CPVL: variants seen among roughly 807,000 people sequenced by gnomAD.
CPVL encodes carboxypeptidase vitellogenic like.
CPVL carries 51 observed loss-of-function variants against 63.7 expected under a neutral mutation model. The observed-to-expected ratio is 0.80, with a 90% confidence interval of 0.64 to 1.01. The LOEUF (loss-of-function observed/expected upper bound fraction) is 1.01, where lower values mean the gene tolerates loss of function less well. CPVL is among the 50% of genes least tolerant of loss of function. The pLI is 0.00. For missense variants in CPVL, 530 were observed against 573.1 expected, an observed-to-expected ratio of 0.92 and a Z score of 0.77; for synonymous variants, 195 against 206.0, an observed-to-expected ratio of 0.95 and a Z score of 0.46.
At chr7:28,998,642 T>G (rs1784320319) in intron 12 of CPVL, among the ~76,000 whole-genome samples, 1 of 152,184 alleles carries the variant, frequency 6.6e-6, no homozygotes, top group African/African-American at 2.4e-5. Context: ...TTCGTTATTC[T>G]TCCAACACTT....
chr7:29,181,971 A>G (rs1283755620), intron 4 of CPVL, among the ~76,000 whole-genome samples: 2 of 152,212 alleles, frequency 1.3e-5, no homozygotes, highest in African/African-American at 4.8e-5. Flanking sequence ...GTAAGCATGG[A>G]TTACTTTATA....
intron 11 of CPVL, among the ~76,000 whole-genome samples, chr7:29,050,199 G>C (rs1326897013): frequency 6.6e-6 from 1 of 152,086 alleles, no homozygotes; most frequent in East Asian, 1.9e-4. Flanking sequence ...AATCAGTAAA[G>C]AGGAAGTCAA....
intron 11 of CPVL, among the ~76,000 whole-genome samples, chr7:29,034,031 G>A (rs1788280328): frequency 6.6e-6 from 1 of 152,172 alleles, no homozygotes; most frequent in Non-Finnish European, 1.5e-5. Flanking sequence ...TTGAGCTATG[G>A]TTGATTTATT....
chr7:29,155,471 T>C (rs1794231217), intron 5 of CPVL, among the ~76,000 whole-genome samples: 1 of 152,222 alleles, frequency 6.6e-6, no homozygotes, highest in Non-Finnish European at 1.5e-5. Context: ...GTAGATATTA[T>C]ATTCTCCATT....
chr7:29,138,210 G>A (rs1278424989), intron 1 of CPVL, among the ~76,000 whole-genome samples: 1 of 152,124 alleles, frequency 6.6e-6, no homozygotes, highest in Non-Finnish European at 1.5e-5. Flanking sequence ...GGCCAAGGTG[G>A]GTAAGATCAC....
chr7:29,023,169 T>C (rs973469699), intron 12 of CPVL, among the ~76,000 whole-genome samples: 3 of 152,222 alleles, frequency 2.0e-5, no homozygotes, highest in Non-Finnish European at 4.4e-5. Flanking sequence ...GCAAGTCACC[T>C]GGAAGCCTGT....
chr7:29,190,837 T>C (rs894009072), intron 1 of CPVL, among the ~76,000 whole-genome samples: 1 of 152,124 alleles, frequency 6.6e-6, no homozygotes, highest in Non-Finnish European at 1.5e-5. Context: ...ATTTACTCAA[T>C]GAGTAAACAA....
intron 7 of CPVL, among the ~76,000 whole-genome samples, chr7:29,076,426 G>A (rs946394120): frequency 6.6e-6 from 1 of 151,886 alleles, no homozygotes; most frequent in African/African-American, 2.4e-5. Flanking sequence ...CAATACCAAA[G>A]CAATTTTAAA....
chr7:29,183,956 A>T (rs1006791595), intron 4 of CPVL, among the ~76,000 whole-genome samples: 12 of 152,166 alleles, frequency 7.9e-5, no homozygotes, highest in Non-Finnish European at 1.6e-4. Flanking sequence ...TAGCATTTAC[A>T]TAGTATAGGT....
chr7:29,061,943 CAAAA>C (rs558152536), intron 11 of CPVL, among the ~76,000 whole-genome samples: 5 of 104,156 alleles, frequency 4.8e-5, no homozygotes, highest in Non-Finnish European at 4.4e-5. Flanking sequence ...AACTCTATCT[CAAAA>C]AAAAAAAAAA....
At chr7:29,080,483 G>A (rs757266731) in intron 7 of CPVL, among the ~76,000 whole-genome samples, 7 of 150,866 alleles carry the variant, frequency 4.6e-5, no homozygotes, top group Admixed American at 2.6e-4. Flanking sequence ...ACCTGAACCC[G>A]GGAATTGGAG....
chr7:29,044,786 T>C (rs930459387), intron 11 of CPVL, among the ~76,000 whole-genome samples: 10 of 152,362 alleles, frequency 6.6e-5, no homozygotes, highest in South Asian at 4.1e-4. Context: ...TTGGGTTTCA[T>C]AGCAACTGAA....
In CPVL at chr7:29,064,251, T is replaced by A. The variant is rs644763; in HGVS notation, c.964-17A>T. ...CTCAGGTTCCTGGCAGAAGGGGCATTGGAAAGACATAGGGAACATGATTGG... is the reference window on the plus strand; with the variant it reads ...CTCAGGTTCCTGGCAGAAGGGGCATAGGAAAGACATAGGGAACATGATTGG... On this transcript the variant is annotated splice_polypyrimidine_tract_variant and intron_variant, in intron 10 of 12. Transcript: ENST00000265394. 4 of 1,577,266 alleles carry A rather than the reference T, an allele frequency of 2.5e-6. No individual in the cohort carries two copies. The South Asian group carries it at 4.4e-5, about 18-fold the overall frequency.
At chr7:29,106,693 A>G (rs1787753161) in intron 3 of CPVL, among the ~76,000 whole-genome samples, 1 of 152,088 alleles carries the variant, frequency 6.6e-6, no homozygotes, top group African/African-American at 2.4e-5. Flanking sequence ...ACAAAAATTA[A>G]AAGTAGCTCG....
intron 5 of CPVL, among the ~76,000 whole-genome samples, chr7:29,151,679 T>C (rs1318540505): frequency 1.3e-5 from 2 of 152,220 alleles, no homozygotes; most frequent in African/African-American, 4.8e-5. Context: ...AGTATCTGAT[T>C]AAGGGCATGG....
chr7:29,103,411 A>ATTTTTTTTTTTTTTTTTTTTTTTTT (rs551627609), intron 3 of CPVL, among the ~76,000 whole-genome samples: 1 of 134,806 alleles, frequency 7.4e-6, no homozygotes, highest in Admixed American at 7.5e-5. Context: ...ATGCTCAGCT[A>ATTTTTTTTTTTTTTTTTTTTTTTTT]TTTTTTTTTT....
At chr7:29,145,253 T>C (rs1051683214) in intron 1 of CPVL, among the ~76,000 whole-genome samples, 1 of 129,912 alleles carries the variant, frequency 7.7e-6, no homozygotes, top group African/African-American at 3.0e-5. Flanking sequence ...TTGTTCTTAC[T>C]CATCCCAAAG....
intron 12 of CPVL, among the ~76,000 whole-genome samples, chr7:29,016,620 C>T (rs191719984): frequency 9.9e-5 from 15 of 152,256 alleles, no homozygotes; most frequent in East Asian, 9.7e-4. Flanking sequence ...TGGCAGACCA[C>T]GGGCCTGAGG....
intron 11 of CPVL, among the ~76,000 whole-genome samples, chr7:29,038,958 T>C (rs1788804984): frequency 6.6e-6 from 1 of 152,182 alleles, no homozygotes; most frequent in South Asian, 2.1e-4. Flanking sequence ...ACAGACACGT[T>C]TATGGAGAGA....
Sources: allele counts gnomAD v4.1 joint callset (sites outside exome capture counted in the v4.1 genomes callset), GRCh38; gene constraint gnomAD v4.1.1; transcripts MANE v1.5; gene names NCBI Gene and HGNC (gene_info 2026-07-23, HGNC 2026-07-21).